BDP1: variants seen among roughly 807,000 people sequenced by gnomAD.
The protein encoded by BDP1 is BDP1 general transcription factor IIIB subunit.
A neutral mutation model predicts 266.6 loss-of-function variants in BDP1; 169 were observed. The ratio of observed to expected loss-of-function variants is 0.63; its 90% CI spans 0.56 to 0.72. The LOEUF is 0.72. BDP1 is among the 30% of genes least tolerant of loss of function. The pLI is 0.00. For missense variants in BDP1, 3,015 were observed against 3,053.8 expected, an observed-to-expected ratio of 0.99 and a Z score of 0.30; for synonymous variants, 1,090 against 1,022.4, an observed-to-expected ratio of 1.07 and a Z score of -1.26.
At chr5:71,466,570 A>G (rs1193251229) in intron 5 of BDP1, among the ~76,000 whole-genome samples, 1 of 152,188 alleles carries the variant, frequency 6.6e-6, no homozygotes, top group African/African-American at 2.4e-5. Context: ...TCAAGTTCTC[A>G]TATTATTAAG....
intron 14 of BDP1, 62 bp from the exon 15 acceptor site, chr5:71,502,535 TGC>T (rs1254995253): frequency 3.7e-6 from 5 of 1,346,964 alleles, no homozygotes; most frequent in Non-Finnish European, 5.1e-6. Flanking sequence ...TACTTATTCA[TGC>T]CAGGGAGAAG....
chr5:71,574,556 C>G, the BDP1 span, among the ~76,000 whole-genome samples: 1 of 152,160 alleles, frequency 6.6e-6, no homozygotes, highest in Non-Finnish European at 1.5e-5. Context: ...ACAAACCCAT[C>G]AAAGTTCCCA....
At chr5:71,543,335 C>T (rs761861392) in intron 30 of BDP1, among the ~76,000 whole-genome samples, 1 of 152,166 alleles carries the variant, frequency 6.6e-6, no homozygotes, top group African/African-American at 2.4e-5. Context: ...GTGGTGCACA[C>T]CTGAAATCCT....
At position 71,510,704 on chromosome 5, in the gene BDP1, AAG is replaced by A; in HGVS notation, c.3616_3617del (p.Glu1206AsnfsTer16). On this transcript the variant is annotated frameshift_variant, in exon 17 of 39. Transcript: ENST00000358731. LOFTEE classifies it high-confidence loss of function. ...VIETDLEETE[R>X]EISPQENGPE... ...TAGAGACAGATTTGGAAGAAACTGAAAGAGAAATATCGCCACAGGAAAATGGC... is the reference window on the plus strand; with the variant it reads ...TAGAGACAGATTTGGAAGAAACTGAAAGAAATATCGCCACAGGAAAATGGC... The A allele has an allele frequency of 6.2e-7, 1 of 1,614,022 alleles. No individual in the cohort carries two copies. The highest frequency in any genetic ancestry group is 8.5e-7 in the Non-Finnish European group (1 of 1,179,960).
chr5:71,489,924 G>T (rs915082418), intron 10 of BDP1, among the ~76,000 whole-genome samples: 1 of 152,186 alleles, frequency 6.6e-6, no homozygotes, highest in African/African-American at 2.4e-5. Context: ...ATCACCTCCT[G>T]TGCATTCCCA....
chr5:71,464,813 G>T (rs1295122091), intron 4 of BDP1, among the ~76,000 whole-genome samples: 1 of 144,016 alleles, frequency 6.9e-6, no homozygotes, highest in Admixed American at 7.9e-5. Flanking sequence ...CTGCCTCCCG[G>T]GTTCAAGCGA....
rs776117624 is a variant in BDP1, at chr5:71,489,649, C to A, written c.1459C>A (p.Gln487Lys). The A allele has an allele frequency of 6.2e-7, 1 of 1,612,024 alleles. No homozygotes were observed. Among genetic ancestry groups the A allele is most frequent in the Non-Finnish European group, 8.5e-7 (1 of 1,179,550 alleles). ...VNNLLENATV[Q>K]AGPSKGEKHK... ...CAATCTTTTAGAAAATGCCACTGTT[C>A]AGGCGGGTCCTTCTAAAGGAGAAAA... is the stretch of plus-strand genomic sequence containing the variant. The change falls in exon 10 of 39, where the codon CAG (glutamine) becomes AAG (lysine). Residue 487 changes from glutamine to lysine, a missense_variant. Coordinates refer to ENST00000358731, the MANE Select transcript of BDP1 (RefSeq NM_018429.3).
intron 26 of BDP1, among the ~76,000 whole-genome samples, chr5:71,538,655 G>A (rs276592): frequency 0.34 from 51,094 of 152,090 alleles, 10,802 homozygotes; most frequent in Non-Finnish European, 0.46. Context: ...TTTAAGCTAC[G>A]TAGTAGTATA....
At chr5:71,456,545 T>G (rs566924415) in intron 1 of BDP1, among the ~76,000 whole-genome samples, 2 of 152,342 alleles carry the variant, frequency 1.3e-5, no homozygotes, top group East Asian at 1.9e-4. Context: ...GGTCACTTAA[T>G]TGAAGTGTGC....
chr5:71,470,368 ATCATTC>A (rs1762164996), intron 6 of BDP1, 21 bp from the exon 7 acceptor site: 1 of 1,437,200 alleles, frequency 7.0e-7, no homozygotes. Flanking sequence ...TTAATTTTCA[ATCATTC>A]TAAATCTTTT....
At chr5:71,502,871 T>TTACATACA (rs576896110) in intron 15 of BDP1, 80 bp downstream of exon 15, 1 of 980,154 alleles carries the variant, frequency 1.0e-6, no homozygotes, top group East Asian at 2.4e-5. Context: ...ACCCACATAC[T>TTACATACA]TACATACATA....
Position 71,545,171 on chromosome 5 carries a change from G to C in BDP1, c.6696G>C (p.Gln2232His). The change falls in exon 32 of 39, where the codon CAG becomes CAC. Residue 2232 changes from glutamine (Q) to histidine (H), a missense_variant. Transcript: ENST00000358731. The part of the protein sequence containing the change: ...GLGENSVEEP[Q>H]IKDSKGDSVL... ...GTGAAAATTCTGTTGAAGAGCCCCA[G>C]ATAAAGGACTCTAAAGGAGACAGTG... is the stretch of plus-strand genomic sequence containing the variant. 6.2e-7 allele frequency: 1 copy of C among 1,613,490 alleles called. No individual in the cohort carries two copies.
chr5:71,513,985 A>C (rs1390770608), intron 19 of BDP1, among the ~76,000 whole-genome samples: 1 of 152,084 alleles, frequency 6.6e-6, no homozygotes, highest in Admixed American at 6.5e-5. Context: ...GGCCTCCCAA[A>C]GTGCTGGGAT....
Position 71,518,933 on chromosome 5 carries a change from CT to C in BDP1, c.4991+1483del, listed in dbSNP as rs1479193360. Among the ~76,000 whole-genome samples, 4 of 146,030 alleles carry C rather than the reference CT, an allele frequency of 2.7e-5. No individual in the cohort carries two copies. The Admixed American group carries it at 2.8e-4, about 10-fold the overall frequency. ...CTCCTGGATTCAAGTGATTCTTGTG[CT>C]TCAGCCTCCCGAGTAGTTGGGATTG... On this transcript the variant is annotated intron_variant, in intron 22 of 38. Coordinates refer to ENST00000358731, the MANE Select transcript of BDP1 (RefSeq NM_018429.3).
At chr5:71,539,476 C>A in intron 27 of BDP1, 81 bp from the exon 28 acceptor site, 1 of 1,077,874 alleles carries the variant, frequency 9.3e-7, no homozygotes, top group South Asian at 1.4e-5. Context: ...AGGAGATAAA[C>A]ACCTTAATTA....
rs567090162 is a variant in BDP1 at position 71,455,827 on chromosome 5, C to A, written c.-51C>A. ...CCCTTTCCGGGCAGCCGCCGGGGCT[C>A]GGGGCTGTGAGCGGCCGTGAGGCTG... On this transcript the variant is annotated 5_prime_UTR_variant, in exon 1 of 39. Coordinates refer to ENST00000358731, the MANE Select transcript of BDP1 (RefSeq NM_018429.3). 6 of 1,493,592 alleles carry A rather than the reference C, an allele frequency of 4.0e-6. No homozygotes were observed. The highest frequency in any genetic ancestry group is 4.5e-6 in the Non-Finnish European group (5 of 1,107,808). The allele number at this position is 1,493,592 out of a possible 1,614,324, so 92.5% of individuals were successfully genotyped here.
In BDP1 at chr5:71,515,186, T is replaced by G. The variant is rs1765156509; in HGVS notation, c.4649+64T>G. Reference sequence around the variant, plus strand: ...GATACTTCTTTTAAATATTTCTAATTTTTATTGAGATATGTTAATGCATTT... The same window carrying G: ...GATACTTCTTTTAAATATTTCTAATGTTTATTGAGATATGTTAATGCATTT... On this transcript the variant is annotated intron_variant, in intron 20 of 38. Transcript: ENST00000358731. The G allele has an allele frequency of 8.0e-6, 10 of 1,244,996 alleles. No homozygotes were observed. In the East Asian group the frequency reaches 2.8e-4, roughly 34 times the overall value. The allele number at this position is 1,244,996 out of a possible 1,614,324, so 77.1% of individuals were successfully genotyped here.
At chr5:71,500,470 C>T (rs909280789) in intron 13 of BDP1, among the ~76,000 whole-genome samples, 1 of 151,818 alleles carries the variant, frequency 6.6e-6, no homozygotes, top group Non-Finnish European at 1.5e-5. Context: ...GGATTACAGG[C>T]ATGCGCCACC....
intron 7 of BDP1, among the ~76,000 whole-genome samples, chr5:71,476,789 C>T (rs1041307900): frequency 1.1e-4 from 16 of 152,030 alleles, no homozygotes; most frequent in Admixed American, 2.6e-4. Context: ...CTGCAAGCTC[C>T]GCCTCCCGGG....
Sources: allele counts gnomAD v4.1 joint callset (sites outside exome capture counted in the v4.1 genomes callset), GRCh38; gene constraint gnomAD v4.1.1; transcripts MANE v1.5; gene names NCBI Gene and HGNC (gene_info 2026-07-23, HGNC 2026-07-21).